Variants in ADGRL1 observed in about 807,000 individuals in gnomAD.
The protein encoded by ADGRL1 is CIRL-1.
ADGRL1 carries 31 observed loss-of-function variants against 148.9 expected under a neutral mutation model. That is an observed-to-expected ratio of 0.21 (90% confidence interval 0.16 to 0.28). The LOEUF is 0.28. Among genes scored for constraint, ADGRL1 ranks in the 10% least tolerant of loss-of-function variants. The probability of loss-of-function intolerance (pLI) is 1.00; values close to 1 mark genes in which losing one functional copy is unlikely to be tolerated. For synonymous variants in ADGRL1, 937 were observed against 900.3 expected, an observed-to-expected ratio of 1.04 and a Z score of -0.73; for missense variants, 1,521 against 2,058.8, an observed-to-expected ratio of 0.74 and a Z score of 5.05.
chr19:14,177,503 C>G (rs763275127), intron 3 of ADGRL1, 28 bp downstream of exon 3: 1 of 1,601,974 alleles, frequency 6.2e-7, no homozygotes, highest in South Asian at 1.1e-5. Flanking sequence ...GGCACTTCAT[C>G]CAGGAACTGC....
intron 4 of ADGRL1, among the ~76,000 whole-genome samples, chr19:14,168,566 T>G (rs1970200799): frequency 6.6e-6 from 1 of 152,162 alleles, no homozygotes. Flanking sequence ...CTCTGTCGGT[T>G]GTAGCCCCTG....
At position 14,163,464 on chromosome 19, in the gene ADGRL1, A is replaced by AGGAGAG. The variant is rs1555785170; in HGVS notation, c.395-64_395-59dup. 6.8e-5 allele frequency: 53 copies of AGGAGAG among 784,036 alleles called. No homozygotes were observed. The East Asian group carries it at 7.3e-4, about 11-fold the overall frequency. The allele number at this position is 784,036 out of a possible 1,614,324, so 48.6% of individuals were successfully genotyped here. A position where few individuals can be genotyped will look rare whatever the true frequency, so the allele number is the denominator to read the frequency against. ...GAGAGAAGGGGCAGAGGCGAGAGGG[A>AGGAGAG]GGAGAGAGAGAGAGAGAGAGAGAGA... is the stretch of plus-strand genomic sequence containing the variant. On this transcript the variant is annotated intron_variant, in intron 4 of 22. Transcript: ENST00000361434.
Position 14,157,884 on chromosome 19 carries a change from T to G in ADGRL1, c.2533A>C (p.Ile845Leu). The change falls in exon 13 of 23, where the codon ATC becomes CTC. Residue 845 changes from isoleucine to leucine, a missense_variant and splice_region_variant. Around this residue, in one of 8 missense-constraint regions of ADGRL1, gnomAD observed 265 missense variants for 431.9 expected, o/e 0.61. Coordinates refer to ENST00000361434, the MANE Select transcript of ADGRL1 (RefSeq NM_014921.5). The surrounding 1 kb of genome is among the most constrained non-coding windows in gnomAD (Gnocchi z 7.5). ...NFAVLMAHRE[I>L]YQGRINELLL... is the part of the protein sequence containing the mutation. Reference sequence around the variant, plus strand: ...GAGCAGAGCACCAGCCAGCTTACGATCTCACGGTGAGCCATGAGCACAGCG... The same window carrying G: ...GAGCAGAGCACCAGCCAGCTTACGAGCTCACGGTGAGCCATGAGCACAGCG... 6.2e-7 allele frequency: 1 copy of G among 1,613,838 alleles called. No homozygotes were observed. Among genetic ancestry groups the G allele is most frequent in the South Asian group, 1.1e-5 (1 of 91,068 alleles).
At position 14,158,183 on chromosome 19, in the gene ADGRL1, A is replaced by C. The variant is rs899916798; in HGVS notation, c.2365-131T>G. On this transcript the variant is annotated intron_variant, in intron 12 of 22. Transcript: ENST00000361434. ...TGCCTGGGGTCTGGGGCTCCAGTTG[A>C]CATTCTGAGAGCTCTGGGGACAAAT... 5.6e-5 allele frequency: 68 copies of C among 1,223,102 alleles called. No individual in the cohort carries two copies. The Admixed American group carries it at 5.7e-4, about 10-fold the overall frequency. 75.8% of individuals were successfully genotyped at this position (1,223,102 alleles called of 1,614,324 possible).
At chr19:14,196,931 C>T (rs1347721295) in intron 1 of ADGRL1, among the ~76,000 whole-genome samples, 2 of 152,074 alleles carry the variant, frequency 1.3e-5, no homozygotes, top group African/African-American at 2.4e-5. Flanking sequence ...AGCACAGCGC[C>T]TGGCACAAGC....
chr19:14,183,884 G>A (rs185859773), intron 1 of ADGRL1, among the ~76,000 whole-genome samples, 187 bp from the exon 2 acceptor site: 1 of 152,140 alleles, frequency 6.6e-6, no homozygotes, highest in Non-Finnish European at 1.5e-5. Context: ...CCAGCAGCCA[G>A]ACCCAGCTAT....
At chr19:14,197,493 C>T (rs1208608405) in intron 1 of ADGRL1, among the ~76,000 whole-genome samples, 1 of 152,168 alleles carries the variant, frequency 6.6e-6, no homozygotes, top group Non-Finnish European at 1.5e-5. Flanking sequence ...CCCTCCATGG[C>T]TCCCTATTGC....
rs559222007 is a variant in ADGRL1, at chr19:14,183,431, G to A, written c.70+102C>T. 2.3e-5 allele frequency: 26 copies of A among 1,137,058 alleles called. No homozygotes were observed. The African/African-American group carries it at 3.7e-4, about 16-fold the overall frequency. 70.4% of individuals were successfully genotyped at this position (1,137,058 alleles called of 1,614,324 possible). ...GAGGTCTGGGGCGGGGCAGGGGGCT[G>A]TAATTCTTTACTGAGTGATCAGGAG... is the stretch of plus-strand genomic sequence containing the variant. On this transcript the variant is annotated intron_variant, in intron 2 of 22. Coordinates refer to ENST00000361434, the MANE Select transcript of ADGRL1 (RefSeq NM_014921.5).
Position 14,151,043 on chromosome 19 carries a change from G to A in ADGRL1, c.4240C>T (p.Pro1414Ser). 6.6e-7 allele frequency: 1 copy of A among 1,510,234 alleles called. No individual in the cohort carries two copies. Among genetic ancestry groups the A allele is most frequent in the Non-Finnish European group, 8.9e-7 (1 of 1,126,620 alleles). The allele number at this position is 1,510,234 out of a possible 1,614,324, so 93.6% of individuals were successfully genotyped here. Reference protein sequence around the residue: ...LPPPPPAPPGPPEIYYTSRPP... With the variant: ...LPPPPPAPPGSPEIYYTSRPP... ...CGCGAGGTGTAGTAGATTTCGGGGG[G>A]GCCGGGGGGTGCGGGAGGGGGTGGG... The change falls in exon 23 of 23, where the codon CCC becomes TCC. Residue 1414 changes from proline to serine, a missense_variant. By Grantham distance (74) the Pro-to-Ser change is moderately conservative (BLOSUM62 -1). Transcript: ENST00000361434.
chr19:14,167,926 G>C (rs905607695), intron 4 of ADGRL1, among the ~76,000 whole-genome samples: 2 of 152,078 alleles, frequency 1.3e-5, no homozygotes, highest in African/African-American at 4.8e-5. Flanking sequence ...GCTGCCCTGC[G>C]GACGGGCGGC....
chr19:14,158,135 G>A, intron 12 of ADGRL1, 83 bp from the exon 13 acceptor site: 1 of 1,449,696 alleles, frequency 6.9e-7, no homozygotes, highest in Non-Finnish European at 9.6e-7. Flanking sequence ...TGGCAACAGG[G>A]ATGGTACCAA....
At position 14,156,701 on chromosome 19, in the gene ADGRL1, T is replaced by G. The variant is rs1485275965; in HGVS notation, c.2990A>C (p.Tyr997Ser). Residue 997 changes from tyrosine (Y) to serine (S), a missense_variant, in exon 16 of 23, where the codon TAC becomes TCC. Around this residue, in one of 8 missense-constraint regions of ADGRL1, gnomAD observed 185 missense variants for 251.7 expected, o/e 0.74. Coordinates refer to ENST00000361434, the MANE Select transcript of ADGRL1 (RefSeq NM_014921.5). ...EKACWLRVDNYFIWSFIGPVS... is the reference protein window; with the variant it reads ...EKACWLRVDNSFIWSFIGPVS... Reference sequence around the variant, plus strand: ...TGGCCCGATGAAACTCCAGATGAAGTAATTGTCCACTCGGAGCCAGCAGCT... The same window carrying G: ...TGGCCCGATGAAACTCCAGATGAAGGAATTGTCCACTCGGAGCCAGCAGCT... 1 of 1,611,188 alleles carries G rather than the reference T, an allele frequency of 6.2e-7. No homozygotes were observed. Among genetic ancestry groups the G allele is most frequent in the South Asian group, 1.1e-5 (1 of 90,568 alleles).
chr19:14,189,262 C>T (rs1301681764), intron 1 of ADGRL1, among the ~76,000 whole-genome samples: 1 of 150,230 alleles, frequency 6.7e-6, no homozygotes, highest in East Asian at 1.9e-4. Flanking sequence ...ACTCTGTTGC[C>T]CAGGCTGGAG....
rs958350768 is a variant in ADGRL1 at position 14,162,512 on chromosome 19, A to G, written c.1195+94T>C. 1.6e-5 allele frequency: 18 copies of G among 1,106,284 alleles called. No homozygotes were observed. In the African/African-American group the frequency reaches 1.9e-4, roughly 12 times the overall value. The allele number at this position is 1,106,284 out of a possible 1,614,324, so 68.5% of individuals were successfully genotyped here. ...TACCTCCCGATCCCCAAGAGCTCAC[A>G]GGATGGGGCTCCCCACTCTGGGACC... On this transcript the variant is annotated intron_variant, in intron 5 of 22. Coordinates refer to ENST00000361434, the MANE Select transcript of ADGRL1 (RefSeq NM_014921.5). The surrounding 1 kb of genome is among the most constrained non-coding windows in gnomAD (Gnocchi z 5.4).
At chr19:14,194,231 C>T (rs138653199) in intron 1 of ADGRL1, among the ~76,000 whole-genome samples, 1,684 of 152,276 alleles carry the variant, frequency 0.011, 24 homozygotes, top group Middle Eastern at 0.02. Context: ...AACAAAAAAA[C>T]CAATAAAGTC....
In ADGRL1 at chr19:14,151,229, C is replaced by T. The variant is rs927717001; in HGVS notation, c.4054G>A (p.Asp1352Asn). Residue 1352 changes from aspartate to asparagine, a missense_variant, in exon 23 of 23, where the codon GAT becomes AAT. Physicochemically the swap from Asp to Asn is conservative, Grantham distance 23. Coordinates refer to ENST00000361434, the MANE Select transcript of ADGRL1 (RefSeq NM_014921.5). ...PRAQSVLYQS[D>N]LDESESCTAE... ...GTGCAGCTCTCCGACTCGTCCAGAT[C>T]GCTCTGGTACAGCACCGACTGGGCC... 8.1e-6 allele frequency: 13 copies of T among 1,611,920 alleles called. No individual in the cohort carries two copies. Among genetic ancestry groups the T allele is most frequent in the East Asian group, 6.7e-5 (3 of 44,876 alleles).
chr19:14,163,188 G>A lies in ADGRL1; in HGVS notation c.613C>T (p.Arg205Cys), dbSNP rs376407216. The A allele has an allele frequency of 7.4e-6, 12 of 1,614,034 alleles. No homozygotes were observed. The highest frequency in any genetic ancestry group is 2.2e-5 in the East Asian group (1 of 44,886). The change falls in exon 5 of 23, where the codon CGC becomes TGC. Residue 205 changes from arginine (R) to cysteine (C), a missense_variant. Transcript: ENST00000361434. ...ACCACAAAGCCTGTGCCATCCACGC[G>A]GTTGGGCAGGCGGTAGGTGGTGGTG... The part of the protein sequence containing the change: ...RHTTTYRLPN[R>C]VDGTGFVVYD...
At chr19:14,170,610 G>T in intron 4 of ADGRL1, 72 bp downstream of exon 4, 1 of 889,152 alleles carries the variant, frequency 1.1e-6, no homozygotes, top group Non-Finnish European at 1.8e-6. Flanking sequence ...ATGTGTGATG[G>T]GTCAAGGTGT....
At chr19:14,174,973 C>A (rs941513484) in intron 3 of ADGRL1, among the ~76,000 whole-genome samples, 1 of 151,590 alleles carries the variant, frequency 6.6e-6, no homozygotes, top group African/African-American at 2.4e-5. Context: ...ATCTGAGTAG[C>A]TGGGACCACA....
Sources: allele counts gnomAD v4.1 joint callset (sites outside exome capture counted in the v4.1 genomes callset), GRCh38; gene constraint gnomAD v4.1.1; regional missense constraint gnomAD v4.1.1; non-coding constraint Gnocchi (gnomAD v3.1); transcripts MANE v1.5; gene names NCBI Gene and HGNC (gene_info 2026-07-23, HGNC 2026-07-21).